SCARA5: variants seen among roughly 807,000 people sequenced by gnomAD.
The protein encoded by SCARA5 is scavenger receptor class A member 5.
In SCARA5, 45 loss-of-function variants were observed where a neutral mutation model predicts 46.3. The ratio of observed to expected loss-of-function variants is 0.97; its 90% CI spans 0.76 to 1.24. The LOEUF is 1.24. Among genes scored for constraint, SCARA5 ranks in the 50% most tolerant of loss-of-function variants. The probability of loss-of-function intolerance (pLI) is 0.00; values close to 1 mark genes in which losing one functional copy is unlikely to be tolerated. For synonymous variants in SCARA5, 333 were observed against 306.5 expected (o/e 1.09, Z -0.90); for missense variants, 680 against 689.0 (o/e 0.99, Z 0.15).
chr8:27,942,683 T>G (rs974546266), intron 3 of SCARA5, among the ~76,000 whole-genome samples: 2 of 152,178 alleles, frequency 1.3e-5, no homozygotes, highest in Non-Finnish European at 2.9e-5. Context: ...GCAGAAGTGT[T>G]ACGCTGACTT....
chr8:27,971,280 G>A (rs183378158), intron 2 of SCARA5, among the ~76,000 whole-genome samples: 7 of 152,350 alleles, frequency 4.6e-5, no homozygotes, highest in Admixed American at 3.9e-4. Context: ...CGATGCACTC[G>A]GTGCCAGAGG....
At position 27,939,757 on chromosome 8, in the gene SCARA5, T is replaced by C. The variant is rs73568949; in HGVS notation, c.242-17512A>G. On this transcript the variant is annotated intron_variant, in intron 3 of 8. Transcript: ENST00000354914. ...GGGCTGGGGACTGCATGTATTATGT[T>C]TCATGGGATCCTCTGAGGTTGCTAT... Among the ~76,000 whole-genome samples the C allele has an allele frequency of 4.8e-3, 735 of 152,282 alleles. 7 individuals are homozygous for C. Among genetic ancestry groups the C allele is most frequent in the African/African-American group, 0.017 (707 of 41,574 alleles).
chr8:27,910,634 C>T (rs1385388794), intron 4 of SCARA5, among the ~76,000 whole-genome samples: 2 of 152,150 alleles, frequency 1.3e-5, no homozygotes, highest in African/African-American at 2.4e-5. Context: ...GAGGCAGAGC[C>T]TTCAGTCCAG....
chr8:27,986,654 C>T (rs1808709917), intron 2 of SCARA5, among the ~76,000 whole-genome samples: 1 of 152,206 alleles, frequency 6.6e-6, no homozygotes, highest in South Asian at 2.1e-4. Context: ...TCCCTACACT[C>T]AGCGCCTTGT....
chr8:27,925,679 C>T (rs1213031116), intron 3 of SCARA5, among the ~76,000 whole-genome samples: 2 of 151,926 alleles, frequency 1.3e-5, no homozygotes, highest in South Asian at 2.1e-4. Context: ...AATGGGAGAA[C>T]ATTTTTGCAA....
intron 7 of SCARA5, among the ~76,000 whole-genome samples, chr8:27,896,042 TCCTGGGTGG>T (rs1258798481): frequency 4.6e-5 from 7 of 152,234 alleles, no homozygotes; most frequent in Admixed American, 1.3e-4. Flanking sequence ...TGTAGGAATT[TCCTGGGTGG>T]CCTGGGTGGA....
At chr8:27,992,191 GT>G (rs1318241285) in intron 1 of SCARA5, 65 bp downstream of exon 1, 1 of 152,262 alleles carries the variant, frequency 6.6e-6, no homozygotes, top group Non-Finnish European at 1.5e-5. Context: ...GTTCACTCCA[GT>G]CTCCTCCAGC....
chr8:27,931,381 G>A (rs539029796), intron 3 of SCARA5, among the ~76,000 whole-genome samples: 172 of 152,286 alleles, frequency 1.1e-3, no homozygotes, highest in African/African-American at 3.2e-3. Context: ...TGGACCCCTG[G>A]CTTAGGTGCA....
At chr8:27,963,938 T>C (rs534616364) in intron 3 of SCARA5, among the ~76,000 whole-genome samples, 1 of 152,272 alleles carries the variant, frequency 6.6e-6, no homozygotes, top group Admixed American at 6.5e-5. Flanking sequence ...ATGGATCTCC[T>C]GTGCAAGGTG....
intron 3 of SCARA5, among the ~76,000 whole-genome samples, chr8:27,935,213 A>C (rs995937164): frequency 6.6e-6 from 1 of 152,166 alleles, no homozygotes; most frequent in African/African-American, 2.4e-5. Context: ...CATTGGTGGT[A>C]ATTTGTTAGG....
At chr8:27,883,030 G>T (rs1806836170) in intron 7 of SCARA5, among the ~76,000 whole-genome samples, 1 of 152,210 alleles carries the variant, frequency 6.6e-6, no homozygotes, top group African/African-American at 2.4e-5. Context: ...GGGCTCTGGG[G>T]CACAATCCTG....
At chr8:27,904,935 C>A in intron 6 of SCARA5, 101 bp from the exon 7 acceptor site, 3 of 1,085,490 alleles carry the variant, frequency 2.8e-6, no homozygotes, top group Non-Finnish European at 4.1e-6. Flanking sequence ...CCAGAGAAAC[C>A]CTCAGGCAGG....
rs575917912 is a variant in SCARA5, at chr8:27,904,670, C to T, written c.1153+108G>A. On this transcript the variant is annotated intron_variant, in intron 7 of 8. Coordinates refer to ENST00000354914, the MANE Select transcript of SCARA5 (RefSeq NM_173833.6). ...TAGGGAGCCTCCTTTGACACTTGAG[C>T]CCCAGCCATGGCTCCAGCCTCTGAA... is the stretch of plus-strand genomic sequence containing the variant. The T allele has an allele frequency of 7.9e-6, 8 of 1,010,644 alleles. No individual in the cohort carries two copies. In the African/African-American group the frequency reaches 1.3e-4, roughly 16 times the overall value. 62.6% of individuals were successfully genotyped at this position (1,010,644 alleles called of 1,614,324 possible).
At chr8:27,972,300 A>G (rs891353561) in intron 2 of SCARA5, among the ~76,000 whole-genome samples, 6 of 151,922 alleles carry the variant, frequency 3.9e-5, no homozygotes, top group African/African-American at 1.5e-4. Flanking sequence ...CTGGGCGACA[A>G]AGTGAGACTC....
At chr8:27,939,594 A>T (rs1446245370) in intron 3 of SCARA5, among the ~76,000 whole-genome samples, 6 of 152,228 alleles carry the variant, frequency 3.9e-5, no homozygotes, top group African/African-American at 1.4e-4. Context: ...AGGTAAGGAA[A>T]CAAGAAGCCT....
intron 2 of SCARA5, among the ~76,000 whole-genome samples, chr8:27,977,774 G>T (rs189838461): frequency 6.6e-6 from 1 of 152,278 alleles, no homozygotes; most frequent in Non-Finnish European, 1.5e-5. Context: ...ACTCCTTCCG[G>T]CCTCCTTACC....
chr8:27,907,571 A>ATTTTTTTTTTTTTTTTT (rs1807285569), intron 5 of SCARA5, among the ~76,000 whole-genome samples: 1 of 60,454 alleles, frequency 1.7e-5, no homozygotes, highest in Non-Finnish European at 3.1e-5. Context: ...ATCAGCAAAC[A>ATTTTTTTTTTTTTTTTT]CTTTTTTTTT....
At chr8:27,907,572 C>CTTTTTTTTTTT (rs144977060) in intron 5 of SCARA5, among the ~76,000 whole-genome samples, 4 of 97,270 alleles carry the variant, frequency 4.1e-5, no homozygotes, top group East Asian at 3.9e-4. Context: ...TCAGCAAACA[C>CTTTTTTTTTTT]TTTTTTTTTT....
intron 3 of SCARA5, among the ~76,000 whole-genome samples, chr8:27,927,461 T>C (rs1807698749): frequency 6.6e-6 from 1 of 152,242 alleles, no homozygotes; most frequent in African/African-American, 2.4e-5. Context: ...TCTGTTCATA[T>C]GCATATTCAA....
Sources: gnomAD v4.1 joint callset for allele counts (sites outside exome capture counted in the v4.1 genomes callset) on GRCh38, gnomAD v4.1.1 for gene constraint, MANE v1.5 for transcripts, NCBI Gene and HGNC (gene_info 2026-07-23, HGNC 2026-07-21) for gene names.